Variants in KIAA1328 observed in about 807,000 individuals in gnomAD.
KIAA1328 encodes the protein KIAA1328, also known as protein hinderin.
KIAA1328 carries 52 observed loss-of-function variants against 68.1 expected under a neutral mutation model. The observed-to-expected ratio is 0.76, with a 90% CI of 0.61 to 0.96. The LOEUF (loss-of-function observed/expected upper bound fraction) is 0.96. KIAA1328 is among the 40% of genes least tolerant of loss of function. The pLI, the probability that KIAA1328 is intolerant of heterozygous loss-of-function variation, is 0.00. For missense variants in KIAA1328, 641 were observed against 677.6 expected (o/e 0.95, Z 0.60); for synonymous variants, 232 against 239.4 (o/e 0.97, Z 0.28).
chr18:37,018,781 T>C (rs895642706), intron 6 of KIAA1328, among the ~76,000 whole-genome samples: 1 of 97,100 alleles, frequency 1.0e-5, no homozygotes, highest in African/African-American at 3.0e-5. Flanking sequence ...CCAGAGGCAC[T>C]GAATGATTTT....
At chr18:36,832,176 A>G (rs879679577) in intron 1 of KIAA1328, among the ~76,000 whole-genome samples, 2 of 152,238 alleles carry the variant, frequency 1.3e-5, no homozygotes, top group East Asian at 3.8e-4. Context: ...AAAATACATT[A>G]CAAATTATTA....
intron 7 of KIAA1328, among the ~76,000 whole-genome samples, chr18:37,129,205 A>G (rs1599369872): frequency 6.6e-6 from 1 of 152,182 alleles, no homozygotes; most frequent in East Asian, 1.9e-4. Flanking sequence ...GAATCTGCTT[A>G]TTGACCTCAA....
intron 5 of KIAA1328, among the ~76,000 whole-genome samples, chr18:36,905,280 G>A (rs982949992): frequency 1.3e-5 from 2 of 151,590 alleles, no homozygotes; most frequent in African/African-American, 4.8e-5. Flanking sequence ...GCATGGCTAA[G>A]TTTTATGTTT....
At chr18:36,920,681 C>G (rs1395216326) in intron 5 of KIAA1328, among the ~76,000 whole-genome samples, 1 of 152,152 alleles carries the variant, frequency 6.6e-6, no homozygotes, top group Non-Finnish European at 1.5e-5. Flanking sequence ...TTGTGTATTA[C>G]ATAGTTTTTG....
intron 9 of KIAA1328, among the ~76,000 whole-genome samples, chr18:37,211,508 C>T (rs1207777139): frequency 6.6e-6 from 1 of 152,150 alleles, no homozygotes; most frequent in Non-Finnish European, 1.5e-5. Flanking sequence ...GTGCACAGTT[C>T]TTCAGTCTCT....
At chr18:36,959,279 A>T (rs201476444) in intron 5 of KIAA1328, 29 bp from the exon 6 acceptor site, 3 of 1,538,304 alleles carry the variant, frequency 2.0e-6, no homozygotes, top group East Asian at 4.7e-5. Context: ...TCAATTTTTC[A>T]GTTTTTTTCC....
At chr18:37,013,744 A>G (rs1365538833) in intron 6 of KIAA1328, among the ~76,000 whole-genome samples, 1 of 152,128 alleles carries the variant, frequency 6.6e-6, no homozygotes, top group Non-Finnish European at 1.5e-5. Flanking sequence ...CTAATTCACT[A>G]TTGATAGGCA....
chr18:36,996,730 T>C (rs1254749228), intron 6 of KIAA1328, among the ~76,000 whole-genome samples: 1 of 152,190 alleles, frequency 6.6e-6, no homozygotes, highest in Non-Finnish European at 1.5e-5. Context: ...GCTGAAGAAT[T>C]GTCTCTAAAA....
intron 6 of KIAA1328, among the ~76,000 whole-genome samples, chr18:37,019,445 G>A (rs575459805): frequency 7.9e-5 from 12 of 152,316 alleles, no homozygotes; most frequent in South Asian, 4.1e-4. Context: ...TCAACCTCAC[G>A]GTGCCGGGAG....
At chr18:36,861,747 C>A (rs2047570240) in intron 4 of KIAA1328, among the ~76,000 whole-genome samples, 1 of 152,040 alleles carries the variant, frequency 6.6e-6, no homozygotes, top group Non-Finnish European at 1.5e-5. Flanking sequence ...TGGCTTAATG[C>A]AGCCTCAACC....
intron 5 of KIAA1328, chr18:36,885,876 C>T: frequency 2.0e-6 from 1 of 503,006 alleles, no homozygotes; most frequent in Non-Finnish European, 3.5e-6. Context: ...ACCACCAGGC[C>T]CAGCTAATTT....
rs1417486623 is a variant in KIAA1328 at position 37,222,301 on chromosome 18, G to A, written c.*74G>A. 1.0e-5 allele frequency: 16 copies of A among 1,533,072 alleles called. No homozygotes were observed. The highest frequency in any genetic ancestry group is 1.4e-5 in the Non-Finnish European group (16 of 1,139,378). The allele number at this position is 1,533,072 out of a possible 1,614,324, so 95.0% of individuals were successfully genotyped here. ...ATCTAGGATTTTAAATTATTTCATT[G>A]CAAAGTAATTGTGTCTCTCCTTTCA... On this transcript the variant is annotated 3_prime_UTR_variant, in exon 10 of 10. Transcript: ENST00000280020.
At position 36,835,234 on chromosome 18, in the gene KIAA1328, G is replaced by T. The variant is rs1166316794; in HGVS notation, c.95G>T (p.Gly32Val). The part of the protein sequence containing the change: ...DEEQSVVYVP[G>V]ISAEGNVRSR... ...AATCTTGTTTAATGGAAATCCTTAG[G>T]AATTTCTGCTGAAGGAAATGTCAGA... Residue 32 changes from glycine to valine, a missense_variant and splice_region_variant, in exon 3 of 10, where the codon GGA becomes GTA. Transcript: ENST00000280020. 6.2e-7 allele frequency: 1 copy of T among 1,609,942 alleles called. No homozygotes were observed. The highest frequency in any genetic ancestry group is 1.3e-5 in the African/African-American group (1 of 74,664).
chr18:36,966,975 G>A (rs1177671345), intron 6 of KIAA1328, among the ~76,000 whole-genome samples: 1 of 152,198 alleles, frequency 6.6e-6, no homozygotes, highest in Non-Finnish European at 1.5e-5. Context: ...TTTTGAGAAC[G>A]ATGAGAAGAG....
At chr18:36,960,261 C>T (rs907330363) in intron 6 of KIAA1328, among the ~76,000 whole-genome samples, 3 of 152,150 alleles carry the variant, frequency 2.0e-5, no homozygotes, top group South Asian at 2.1e-4. Context: ...GGGGGAGGGG[C>T]GTCGACCATT....
At chr18:36,936,769 A>G (rs2050515520) in intron 5 of KIAA1328, among the ~76,000 whole-genome samples, 1 of 152,168 alleles carries the variant, frequency 6.6e-6, no homozygotes, top group Admixed American at 6.6e-5. Context: ...CAGCCTTGCC[A>G]ACATCTGTTG....
At chr18:36,985,649 TC>T (rs2052889151) in intron 6 of KIAA1328, among the ~76,000 whole-genome samples, 1 of 152,176 alleles carries the variant, frequency 6.6e-6, no homozygotes, top group African/African-American at 2.4e-5. Context: ...TGTCACAATT[TC>T]ATGTGCATAT....
intron 5 of KIAA1328, chr18:36,921,110 C>G (rs1338920672): frequency 6.6e-6 from 1 of 152,152 alleles, no homozygotes; most frequent in African/African-American, 2.4e-5. Context: ...ACATCTGGAA[C>G]TGTTGTTTCA....
At chr18:36,930,986 T>A (rs972941410) in intron 5 of KIAA1328, among the ~76,000 whole-genome samples, 1 of 152,126 alleles carries the variant, frequency 6.6e-6, no homozygotes, top group African/African-American at 2.4e-5. Flanking sequence ...GCTCTACTTT[T>A]TGCCTTAGTT....
Sources: gnomAD v4.1 joint callset for allele counts (sites outside exome capture counted in the v4.1 genomes callset) on GRCh38, gnomAD v4.1.1 for gene constraint, MANE v1.5 for transcripts, NCBI Gene and HGNC (gene_info 2026-07-23, HGNC 2026-07-21) for gene names.